ANKS6: variants seen among roughly 807,000 people sequenced by gnomAD.
The protein encoded by ANKS6 is ankyrin repeat and sterile alpha motif domain containing 6.
Under a neutral mutation model 77.9 loss-of-function variants are expected in ANKS6, and 47 were observed. That is an observed-to-expected ratio of 0.60 (90% CI 0.48 to 0.77). The LOEUF (loss-of-function observed/expected upper bound fraction) is 0.77, where lower values mean the gene tolerates loss of function less well. Among genes scored for constraint, ANKS6 ranks in the 30% least tolerant of loss-of-function variants. The pLI is 0.00. For synonymous variants in ANKS6, 488 were observed against 501.7 expected (o/e 0.97, Z 0.37); for missense variants, 1,150 against 1,159.1 (o/e 0.99, Z 0.11).
intron 14 of ANKS6, among the ~76,000 whole-genome samples, chr9:98,737,723 GA>G (rs549623458): frequency 4.4e-4 from 67 of 152,142 alleles, no homozygotes; most frequent in African/African-American, 1.5e-3. Context: ...CACAAAATTA[GA>G]AAAAACAATT....
Position 98,796,346 on chromosome 9 carries a change from G to T in ANKS6, c.146C>A (p.Pro49Gln). The T allele has an allele frequency of 8.6e-7, 1 of 1,169,268 alleles. No individual in the cohort carries two copies. The highest frequency in any genetic ancestry group is 1.1e-6 in the Non-Finnish European group (1 of 949,142). 72.4% of individuals were successfully genotyped at this position (1,169,268 alleles called of 1,614,324 possible). A position where few individuals can be genotyped will look rare whatever the true frequency, so the allele number is the denominator to read the frequency against. The change falls in exon 1 of 15, where the codon CCG (proline) becomes CAG (glutamine). Residue 49 changes from proline (P) to glutamine (Q), a missense_variant. Pro to Gln is a moderately conservative substitution (Grantham distance 76). Transcript: ENST00000353234. ...RGAEPEAGAE[P>Q]AGAEVAGPGA... ...GGGCCCGGCCACCTCGGCCCCCGCC[G>T]GCTCCGCGCCCGCCTCCGGCTCCGC...
intron 14 of ANKS6, among the ~76,000 whole-genome samples, chr9:98,740,608 C>T (rs529850590): frequency 2.0e-5 from 3 of 152,152 alleles, no homozygotes; most frequent in African/African-American, 4.8e-5. Flanking sequence ...GCCTTAATTT[C>T]CTGAGAAATG....
chr9:98,744,531 G>A (rs1215678465), intron 14 of ANKS6, among the ~76,000 whole-genome samples: 5 of 152,178 alleles, frequency 3.3e-5, no homozygotes, highest in South Asian at 2.1e-4. Flanking sequence ...ATGAGGAAAC[G>A]TATGCAGTGA....
chr9:98,741,037 C>G (rs10987577), intron 14 of ANKS6, among the ~76,000 whole-genome samples: 5 of 152,194 alleles, frequency 3.3e-5, no homozygotes, highest in African/African-American at 1.2e-4. Context: ...GATTCTGACT[C>G]TTTGACTCAG....
At chr9:98,757,840 A>G (rs993978442) in intron 11 of ANKS6, among the ~76,000 whole-genome samples, 1 of 152,100 alleles carries the variant, frequency 6.6e-6, no homozygotes, top group Non-Finnish European at 1.5e-5. Flanking sequence ...AGGCAGGAGA[A>G]TCACTTGAAC....
chr9:98,763,789 G>A (rs1833134535), intron 11 of ANKS6, among the ~76,000 whole-genome samples: 2 of 151,966 alleles, frequency 1.3e-5, no homozygotes, highest in Admixed American at 6.6e-5. Context: ...TGAAAAAGGA[G>A]ACATTCCTAC....
intron 11 of ANKS6, 113 bp downstream of exon 11, chr9:98,767,968 C>T (rs1391391415): frequency 7.2e-7 from 1 of 1,384,598 alleles, no homozygotes; most frequent in African/African-American, 1.4e-5. Flanking sequence ...CTGGAAGGGG[C>T]CTGTCTTTAG....
chr9:98,796,414 C>T lies in ANKS6; in HGVS notation c.78G>A (p.Arg26=). 1 of 995,412 alleles carries T rather than the reference C, an allele frequency of 1.0e-6. No homozygotes were observed. The highest frequency in any genetic ancestry group is 1.2e-6 in the Non-Finnish European group (1 of 838,572). The allele number at this position is 995,412 out of a possible 1,614,324, so 61.7% of individuals were successfully genotyped here. A position where few individuals can be genotyped will look rare whatever the true frequency, so the allele number is the denominator to read the frequency against. ...ACDQGDTETA[R]RLLEPGAAEP... ...CCGCCGCCCCCGGCTCCAGCAGCCG[C>T]CGCGCCGTCTCCGTGTCGCCCTGGT... Residue 26 remains arginine, a synonymous_variant, in exon 1 of 15, where the codon CGG becomes CGA. Transcript: ENST00000353234.
intron 2 of ANKS6, chr9:98,789,861 T>C: frequency 4.2e-6 from 2 of 480,170 alleles, no homozygotes; most frequent in East Asian, 3.3e-5. Flanking sequence ...GAGAGCAGCC[T>C]TGTTATAGAG....
intron 8 of ANKS6, among the ~76,000 whole-genome samples, chr9:98,775,050 T>G (rs945473986): frequency 2.0e-5 from 3 of 152,216 alleles, no homozygotes; most frequent in African/African-American, 7.2e-5. Flanking sequence ...CCAGGCTGGC[T>G]CTGTCCTGCT....
chr9:98,747,559 T>C (rs945693492), intron 13 of ANKS6, among the ~76,000 whole-genome samples: 14 of 152,084 alleles, frequency 9.2e-5, no homozygotes, highest in African/African-American at 3.4e-4. Flanking sequence ...GCTGAATGGA[T>C]AGGTGATGCA....
chr9:98,738,582 A>T (rs1376532614), intron 14 of ANKS6, among the ~76,000 whole-genome samples: 12 of 145,232 alleles, frequency 8.3e-5, no homozygotes, highest in Admixed American at 4.9e-4. Context: ...AAAATAAAAT[A>T]AAAAAAAAAA....
chr9:98,780,323 G>A lies in ANKS6; in HGVS notation c.1234C>T (p.Arg412Ter), dbSNP rs997561281. 8 of 1,598,768 alleles carry A rather than the reference G, an allele frequency of 5.0e-6. No individual in the cohort carries two copies. Among genetic ancestry groups the A allele is most frequent in the African/African-American group, 1.3e-5 (1 of 74,796 alleles). The change falls in exon 6 of 15, where the codon CGA becomes TGA. Residue 412 changes from arginine to a stop codon, truncating the protein, a stop_gained. Coordinates refer to ENST00000353234, the MANE Select transcript of ANKS6 (RefSeq NM_173551.5). LOFTEE classifies it high-confidence loss of function. The part of the protein sequence containing the change: ...LLNDPDTELV[R>*]LLASVCMQVN... ...TGCATGCAGACAGATGCCAGCAGTC[G>A]AACAAGTTCCGTGTCTATGGACACA...
At chr9:98,737,384 G>T (rs1350999101) in intron 14 of ANKS6, among the ~76,000 whole-genome samples, 1 of 152,088 alleles carries the variant, frequency 6.6e-6, no homozygotes, top group Non-Finnish European at 1.5e-5. Context: ...AAAGTTTCTG[G>T]ATACAAGATT....
At chr9:98,776,668 T>G (rs1833937860) in intron 8 of ANKS6, among the ~76,000 whole-genome samples, 1 of 152,186 alleles carries the variant, frequency 6.6e-6, no homozygotes, top group Non-Finnish European at 1.5e-5. Context: ...CCCAAAGTGC[T>G]GGGATTACAG....
intron 14 of ANKS6, among the ~76,000 whole-genome samples, 159 bp downstream of exon 14, chr9:98,745,400 C>T (rs1338454008): frequency 6.6e-6 from 1 of 150,610 alleles, no homozygotes; most frequent in African/African-American, 2.5e-5. Flanking sequence ...GGGGAGAAAC[C>T]TTACGGGGGA....
intron 2 of ANKS6, 68 bp from the exon 3 acceptor site, chr9:98,784,944 G>C (rs995377195): frequency 2.2e-5 from 31 of 1,393,488 alleles, no homozygotes; most frequent in Non-Finnish European, 3.1e-5. Context: ...TCACAAGGGT[G>C]TAACAACACA....
Position 98,790,579 on chromosome 9 carries a change from G to A in ANKS6, c.387C>T (p.Leu129=). The A allele has an allele frequency of 1.2e-6, 2 of 1,606,366 alleles. No homozygotes were observed. Among genetic ancestry groups the A allele is most frequent in the Non-Finnish European group, 8.5e-7 (1 of 1,173,902 alleles). ...ARFGHVSVAH[L]LLDHGADVNA... ...TGACATCAGCCCCGTGATCCAACAGGAGGTGTGCCACACTCACATGCCCAA... is the reference window on the plus strand; with the variant it reads ...TGACATCAGCCCCGTGATCCAACAGAAGGTGTGCCACACTCACATGCCCAA... Residue 129 remains leucine, a synonymous_variant, in exon 2 of 15, where the codon CTC becomes CTT. Coordinates refer to ENST00000353234, the MANE Select transcript of ANKS6 (RefSeq NM_173551.5).
chr9:98,770,790 C>A, intron 10 of ANKS6, 106 bp downstream of exon 10: 2 of 1,160,456 alleles, frequency 1.7e-6, no homozygotes. Flanking sequence ...GTGCCTCTTG[C>A]GTGGTCATTT....
Sources: gnomAD v4.1 joint callset for allele counts (sites outside exome capture counted in the v4.1 genomes callset) on GRCh38, gnomAD v4.1.1 for gene constraint, MANE v1.5 for transcripts, NCBI Gene and HGNC (gene_info 2026-07-23, HGNC 2026-07-21) for gene names.